The following TNIK variants were observed in gnomAD, a reference collection of about 807,000 sequenced individuals.
TNIK encodes the protein TRAF2 and NCK interacting kinase.
A neutral mutation model predicts 191.3 loss-of-function variants in TNIK; 49 were observed. That is an observed-to-expected ratio of 0.26 (90% CI 0.20 to 0.32). TNIK has a LOEUF of 0.32. TNIK is among the 10% of genes least tolerant of loss of function. TNIK has a pLI of 1.00. For missense variants in TNIK, 1,155 were observed against 1,702.3 expected (o/e 0.68, Z 5.66); for synonymous variants, 594 against 600.9 (o/e 0.99, Z 0.17).
At position 171,062,900 on chromosome 3, in the gene TNIK, C is replaced by G. The variant is rs1717976118; in HGVS notation, c.*981G>C. The G allele has an allele frequency of 1.3e-5, 2 of 152,198 alleles. No individual in the cohort carries two copies. Among genetic ancestry groups the G allele is most frequent in the African/African-American group, 4.8e-5 (2 of 41,436 alleles). The allele number at this position is 152,198 out of a possible 1,614,324, so 9.4% of individuals were successfully genotyped here. ...GAAAGAACTCAACAAAGTCTCAGTC[C>G]TAATGAAGCCCAAACCAAGTGACCT... On this transcript the variant is annotated 3_prime_UTR_variant, in exon 33 of 33. Transcript: ENST00000436636.
At chr3:171,304,928 C>T (rs1753266538) in intron 2 of TNIK, among the ~76,000 whole-genome samples, 1 of 149,904 alleles carries the variant, frequency 6.7e-6, no homozygotes, top group African/African-American at 2.5e-5. Context: ...TTAATGGGTG[C>T]AGCACACCAA....
chr3:171,068,682 T>G (rs1313388494), intron 30 of TNIK, among the ~76,000 whole-genome samples, 166 bp downstream of exon 30: 1 of 152,216 alleles, frequency 6.6e-6, no homozygotes, highest in Non-Finnish European at 1.5e-5. Flanking sequence ...TTAGTTAAAT[T>G]TATATATTTT....
In TNIK at chr3:171,087,252, T is replaced by A. The variant is rs1418869382; in HGVS notation, c.2886+90A>T. ...ACCAACCAAACAAGTTTCAAGGAGCTTGGCGAAGCCTCATTCTTGAAGAGA... is the reference window on the plus strand; with the variant it reads ...ACCAACCAAACAAGTTTCAAGGAGCATGGCGAAGCCTCATTCTTGAAGAGA... On this transcript the variant is annotated intron_variant, in intron 24 of 32. Coordinates refer to ENST00000436636, the MANE Select transcript of TNIK (RefSeq NM_015028.4). 4.5e-6 allele frequency: 7 copies of A among 1,544,350 alleles called. No individual in the cohort carries two copies. The East Asian group carries it at 1.6e-4, about 35-fold the overall frequency.
intron 1 of TNIK, among the ~76,000 whole-genome samples, chr3:171,399,925 A>G (rs2108571590): frequency 6.6e-6 from 1 of 152,312 alleles, no homozygotes; most frequent in Middle Eastern, 3.4e-3. Flanking sequence ...TCAAAGCAGA[A>G]AGGAGTAAAA....
At chr3:171,250,623 C>T (rs1746118838) in intron 2 of TNIK, among the ~76,000 whole-genome samples, 2 of 152,216 alleles carry the variant, frequency 1.3e-5, no homozygotes, top group Admixed American at 1.3e-4. Context: ...GGGAACAACA[C>T]AGGCCCTGTG....
chr3:171,275,923 A>T (rs1052329477), intron 2 of TNIK, among the ~76,000 whole-genome samples: 6 of 151,690 alleles, frequency 4.0e-5, no homozygotes, highest in African/African-American at 1.4e-4. Flanking sequence ...TAAATAATAA[A>T]AAATTAAAAA....
At chr3:171,239,218 T>C (rs891186975) in intron 2 of TNIK, among the ~76,000 whole-genome samples, 2 of 152,256 alleles carry the variant, frequency 1.3e-5, no homozygotes, top group African/African-American at 4.8e-5. Flanking sequence ...TTCAGAAATA[T>C]ATTATTTTGT....
intron 1 of TNIK, among the ~76,000 whole-genome samples, chr3:171,429,054 G>A (rs573234618): frequency 5.9e-5 from 9 of 152,086 alleles, no homozygotes; most frequent in Non-Finnish European, 1.2e-4. Context: ...CCTATATTTA[G>A]TTTCCACCTG....
At chr3:171,296,970 AT>A (rs903247593) in intron 2 of TNIK, among the ~76,000 whole-genome samples, 4 of 151,798 alleles carry the variant, frequency 2.6e-5, no homozygotes. Context: ...GAAGAACTTA[AT>A]TTTTTTTCCT....
chr3:171,287,093 AG>A (rs1269284377), intron 2 of TNIK, among the ~76,000 whole-genome samples: 5 of 152,228 alleles, frequency 3.3e-5, no homozygotes, highest in Non-Finnish European at 7.3e-5. Flanking sequence ...TAAGGCAAGT[AG>A]GGGTTTTCCC....
At chr3:171,416,257 CT>C (rs1560044703) in intron 1 of TNIK, among the ~76,000 whole-genome samples, 2 of 151,966 alleles carry the variant, frequency 1.3e-5, no homozygotes, top group African/African-American at 4.8e-5. Context: ...TCATGTGCCC[CT>C]AATCTGATAC....
chr3:171,334,571 T>C (rs1178920982), intron 2 of TNIK, among the ~76,000 whole-genome samples: 1 of 152,186 alleles, frequency 6.6e-6, no homozygotes, highest in African/African-American at 2.4e-5. Context: ...AGGAGCCTTC[T>C]AAAAATAGTC....
intron 1 of TNIK, among the ~76,000 whole-genome samples, chr3:171,371,215 G>A (rs1212445277): frequency 6.6e-6 from 1 of 152,144 alleles, no homozygotes. Flanking sequence ...CCACCAGCAG[G>A]ATTTAAATGG....
chr3:171,218,981 A>G (rs1440181747), intron 3 of TNIK, among the ~76,000 whole-genome samples: 1 of 129,194 alleles, frequency 7.7e-6, no homozygotes, highest in Non-Finnish European at 1.6e-5. Context: ...ATTTATATTT[A>G]TATTAAATTA....
intron 2 of TNIK, among the ~76,000 whole-genome samples, chr3:171,256,177 T>G (rs773299340): frequency 5.3e-5 from 8 of 151,952 alleles, no homozygotes; most frequent in Non-Finnish European, 1.2e-4. Flanking sequence ...CCAAGCCTTG[T>G]TTTTTTTCAT....
At chr3:171,432,948 TAAG>T (rs1363159229) in intron 1 of TNIK, among the ~76,000 whole-genome samples, 8 of 152,186 alleles carry the variant, frequency 5.3e-5, no homozygotes, top group East Asian at 3.9e-4. Flanking sequence ...AAACAAAAAA[TAAG>T]AAGCATATAA....
chr3:171,393,518 T>C (rs549640406), intron 1 of TNIK, among the ~76,000 whole-genome samples: 40 of 152,340 alleles, frequency 2.6e-4, no homozygotes, highest in Non-Finnish European at 5.9e-4. Context: ...TCTTGAACCA[T>C]ATGATGGACC....
At chr3:171,443,762 T>C (rs954274713) in intron 1 of TNIK, among the ~76,000 whole-genome samples, 4 of 152,112 alleles carry the variant, frequency 2.6e-5, no homozygotes, top group African/African-American at 4.8e-5. Flanking sequence ...AGTTTGAGGC[T>C]ACAGTGAGCC....
intron 1 of TNIK, among the ~76,000 whole-genome samples, chr3:171,457,155 T>A (rs762179074): frequency 6.6e-6 from 1 of 152,252 alleles, no homozygotes; most frequent in Non-Finnish European, 1.5e-5. Context: ...CCAAAGAAGA[T>A]CCTGCTTCAC....
Sources: gnomAD v4.1 joint callset for allele counts (sites outside exome capture counted in the v4.1 genomes callset) on GRCh38, gnomAD v4.1.1 for gene constraint, MANE v1.5 for transcripts, NCBI Gene and HGNC (gene_info 2026-07-23, HGNC 2026-07-21) for gene names.